The following COG7 variants were observed in gnomAD, a reference collection of about 807,000 sequenced individuals.
COG7 encodes the protein conserved oligomeric Golgi complex subunit 7.
Under a neutral mutation model 91.5 loss-of-function variants are expected in COG7, and 49 were observed. The observed-to-expected ratio is 0.54, with a 90% CI of 0.43 to 0.68. COG7 has a LOEUF of 0.68. COG7 is among the 30% of genes least tolerant of loss of function. The pLI, the probability that COG7 is intolerant of heterozygous loss-of-function variation, is 0.00. For missense variants in COG7, 895 were observed against 961.3 expected (o/e 0.93, Z 0.91); for synonymous variants, 365 against 388.7 (o/e 0.94, Z 0.72).
chr16:23,389,036 G>A lies in COG7; in HGVS notation c.2197C>T (p.Leu733Phe). The A allele has an allele frequency of 6.2e-7, 1 of 1,614,134 alleles. No individual in the cohort carries two copies. Among genetic ancestry groups the A allele is most frequent in the Middle Eastern group, 1.6e-4 (1 of 6,062 alleles). Reference protein sequence around the residue: ...DALGLQPSRTLQHIVTLLKTR... With the variant: ...DALGLQPSRTFQHIVTLLKTR... ...TTCAGTAGCGTCACGATGTGCTGGA[G>A]GGTGCGGGACGGCTGCAGGCCCAGG... is the stretch of plus-strand genomic sequence containing the variant. Residue 733 changes from leucine (L) to phenylalanine (F), a missense_variant, in exon 17 of 17, where the codon CTC (leucine) becomes TTC (phenylalanine). Physicochemically the swap from Leu to Phe is conservative, Grantham distance 22. Transcript: ENST00000307149.
In COG7 at chr16:23,388,641, T is replaced by TTTTA; in HGVS notation, c.*278_*279insTAAA. The TTTTA allele has an allele frequency of 4.8e-6, 1 of 207,066 alleles. No homozygotes were observed. Among genetic ancestry groups the TTTTA allele is most frequent in the South Asian group, 1.3e-4 (1 of 7,680 alleles). 12.8% of individuals were successfully genotyped at this position (207,066 alleles called of 1,614,324 possible). A position where few individuals can be genotyped will look rare whatever the true frequency, so the allele number is the denominator to read the frequency against. Reference sequence around the variant, plus strand: ...AACCAAGTCTTTTTTTTTTTTTTTTTTGAGACAGAGTCTCGCTCTGCTGTT... The same window carrying TTTTA: ...AACCAAGTCTTTTTTTTTTTTTTTTTTTTATGAGACAGAGTCTCGCTCTGCTGTT... On this transcript the variant is annotated 3_prime_UTR_variant, in exon 17 of 17. Transcript: ENST00000307149.
intron 5 of COG7, 82 bp from the exon 6 acceptor site, chr16:23,433,749 C>A: frequency 6.4e-7 from 1 of 1,557,378 alleles, no homozygotes; most frequent in Non-Finnish European, 8.8e-7. Flanking sequence ...TGCTACCCAG[C>A]GTAATCACGG....
chr16:23,398,331 A>G (rs1180211954), intron 13 of COG7, among the ~76,000 whole-genome samples: 5 of 152,212 alleles, frequency 3.3e-5, no homozygotes, highest in Admixed American at 2.0e-4. Context: ...TACAGAAGGC[A>G]ACGATTTCTC....
At chr16:23,425,588 C>A (rs1308230942) in intron 6 of COG7, among the ~76,000 whole-genome samples, 1 of 152,124 alleles carries the variant, frequency 6.6e-6, no homozygotes, top group Non-Finnish European at 1.5e-5. Flanking sequence ...GATCCTCCTT[C>A]CTCAACTTCC....
At chr16:23,449,835 A>G (rs554735964) in intron 1 of COG7, among the ~76,000 whole-genome samples, 1 of 152,176 alleles carries the variant, frequency 6.6e-6, no homozygotes, top group South Asian at 2.1e-4. Context: ...AGGCAAGGAA[A>G]GCATTGCAAC....
intron 11 of COG7, among the ~76,000 whole-genome samples, chr16:23,406,851 A>G (rs2142067646): frequency 6.6e-6 from 1 of 152,318 alleles, no homozygotes; most frequent in African/African-American, 2.4e-5. Context: ...GGCACTTTCC[A>G]AACTCTTTGA....
chr16:23,451,856 T>A (rs573027458), intron 1 of COG7, among the ~76,000 whole-genome samples: 32 of 152,306 alleles, frequency 2.1e-4, no homozygotes, highest in African/African-American at 7.2e-4. Context: ...ATAATACGTT[T>A]TTTCCAGATA....
chr16:23,436,048 G>A (rs1964008823), intron 4 of COG7, among the ~76,000 whole-genome samples: 1 of 151,984 alleles, frequency 6.6e-6, no homozygotes, highest in Middle Eastern at 3.2e-3. Context: ...AATGTCCTAG[G>A]CAACACAGGA....
At chr16:23,391,871 G>A (rs1033478381) in intron 16 of COG7, 7 of 407,524 alleles carry the variant, frequency 1.7e-5, no homozygotes, top group Non-Finnish European at 2.5e-5. Flanking sequence ...TCTGGATGGA[G>A]ACCACAAAGT....
chr16:23,417,869 A>G (rs1225224091), intron 8 of COG7, among the ~76,000 whole-genome samples: 3 of 152,240 alleles, frequency 2.0e-5, no homozygotes, highest in Non-Finnish European at 2.9e-5. Flanking sequence ...CTTTCTAGGT[A>G]TATCCCTAGA....
At chr16:23,416,505 C>T (rs1963656776) in intron 9 of COG7, 1 of 250,914 alleles carries the variant, frequency 4.0e-6, no homozygotes. Context: ...CTCAGTATTT[C>T]TGGAACAATC....
At chr16:23,441,408 C>G (rs1308079986) in intron 4 of COG7, among the ~76,000 whole-genome samples, 1 of 152,088 alleles carries the variant, frequency 6.6e-6, no homozygotes, top group East Asian at 1.9e-4. Context: ...AACCTCATCT[C>G]TACTGAAAAT....
chr16:23,430,220 G>A (rs1963912582), intron 6 of COG7, among the ~76,000 whole-genome samples: 1 of 152,170 alleles, frequency 6.6e-6, no homozygotes, highest in African/African-American at 2.4e-5. Flanking sequence ...CTTGAGCCCA[G>A]GAGTTCAAGA....
At position 23,392,432 on chromosome 16, in the gene COG7, T is replaced by C. The variant is rs777903380; in HGVS notation, c.2094A>G (p.Leu698=). Reference sequence around the variant, plus strand: ...AGTGTGGGCTCAGCTCAGGGATCTGTAGGATCGCATCACAGTAGGTCTGCA... The same window carrying C: ...AGTGTGGGCTCAGCTCAGGGATCTGCAGGATCGCATCACAGTAGGTCTGCA... ...ATMQTYCDAI[L]QIPELSPHSA... Residue 698 remains leucine (L), a synonymous_variant, in exon 16 of 17, where the codon CTA becomes CTG. Coordinates refer to ENST00000307149, the MANE Select transcript of COG7 (RefSeq NM_153603.4). The C allele has an allele frequency of 2.5e-6, 4 of 1,614,152 alleles. No homozygotes were observed. The Admixed American group carries it at 6.7e-5, about 27-fold the overall frequency.
At chr16:23,409,088 T>TGTGTGTGTGTGTGCAC (rs567307217) in intron 11 of COG7, among the ~76,000 whole-genome samples, 7 of 147,806 alleles carry the variant, frequency 4.7e-5, no homozygotes, top group South Asian at 2.2e-4. Flanking sequence ...TGTGTGTGTG[T>TGTGTGTGTGTGTGCAC]GCGTGCATGT....
intron 10 of COG7, 92 bp from the exon 11 acceptor site, chr16:23,410,452 T>C: frequency 9.3e-7 from 1 of 1,074,228 alleles, no homozygotes; most frequent in Non-Finnish European, 1.4e-6. Flanking sequence ...ATCCTAACTA[T>C]TTGCTCCTTT....
intron 14 of COG7, 123 bp from the exon 15 acceptor site, chr16:23,393,470 T>C (rs1963234275): frequency 4.1e-6 from 3 of 725,020 alleles, no homozygotes; most frequent in Non-Finnish European, 7.6e-6. Flanking sequence ...TGATCCCAAG[T>C]CTGATCTTTC....
chr16:23,396,481 C>A (rs543315226), intron 14 of COG7, among the ~76,000 whole-genome samples: 100 of 152,164 alleles, frequency 6.6e-4, no homozygotes, highest in African/African-American at 2.3e-3. Flanking sequence ...GAGTTTGAGA[C>A]CAGCCTGGTC....
rs115610955 is a variant in COG7 at position 23,424,837 on chromosome 16, G to A, written c.921C>T (p.Pro307=). The change falls in exon 7 of 17, where the codon CCC becomes CCT. Residue 307 remains proline (P), a synonymous_variant. Coordinates refer to ENST00000307149, the MANE Select transcript of COG7 (RefSeq NM_153603.4). Reference sequence around the variant, plus strand: ...CCAGCAGCCTGGTGAGCTCCTGCTCGGGCCCTGCCCTCTCCACGCCGTTGC... The same window carrying A: ...CCAGCAGCCTGGTGAGCTCCTGCTCAGGCCCTGCCCTCTCCACGCCGTTGC... ...CLSNGVERAG[P]EQELTRLLEF... is the part of the protein sequence containing the mutation. 7.0e-5 allele frequency: 113 copies of A among 1,614,212 alleles called. No individual in the cohort carries two copies. Among genetic ancestry groups the A allele is most frequent in the East Asian group, 1.3e-4 (6 of 44,882 alleles).
Sources: allele counts gnomAD v4.1 joint callset (sites outside exome capture counted in the v4.1 genomes callset), GRCh38; gene constraint gnomAD v4.1.1; transcripts MANE v1.5; gene names NCBI Gene and HGNC (gene_info 2026-07-23, HGNC 2026-07-21).